RER1: variants seen among roughly 807,000 people sequenced by gnomAD.
RER1 encodes protein RER1.
RER1 carries 6 observed loss-of-function variants against 28.3 expected under a neutral mutation model. That is an observed-to-expected ratio of 0.21 (90% confidence interval 0.12 to 0.42). RER1 has a LOEUF of 0.42. RER1 is among the 10% of genes least tolerant of loss of function. The probability of loss-of-function intolerance (pLI) is 1.00; values close to 1 mark genes in which losing one functional copy is unlikely to be tolerated. For missense variants in RER1, 159 were observed against 252.9 expected (o/e 0.63, Z 2.52); for synonymous variants, 110 against 95.9 (o/e 1.15, Z -0.86).
At chr1:2,397,077 C>G (rs756769004) in intron 2 of RER1, 39 bp from the exon 3 acceptor site, 1 of 1,413,558 alleles carries the variant, frequency 7.1e-7, no homozygotes, top group South Asian at 1.2e-5. Flanking sequence ...ACAGAAGTTA[C>G]AGGACCTGCT....
intron 4 of RER1, among the ~76,000 whole-genome samples, chr1:2,400,133 C>A (rs528332225): frequency 6.6e-6 from 1 of 152,238 alleles, no homozygotes; most frequent in Non-Finnish European, 1.5e-5. Context: ...AGGCGAGGAA[C>A]AAACAACTGC....
At chr1:2,398,963 C>T (rs189163258) in intron 3 of RER1, among the ~76,000 whole-genome samples, 1 of 152,352 alleles carries the variant, frequency 6.6e-6, no homozygotes, top group African/African-American at 2.4e-5. Context: ...GCCAGCACGC[C>T]TCCAGTCACA....
rs1194511049 is a variant in RER1 at position 2,404,196 on chromosome 1, A to C, written c.*1072A>C. 1.3e-5 allele frequency: 2 copies of C among 152,218 alleles called. No individual in the cohort carries two copies. Among genetic ancestry groups the C allele is most frequent in the Non-Finnish European group, 2.9e-5 (2 of 68,044 alleles). The allele number at this position is 152,218 out of a possible 1,614,324, so 9.4% of individuals were successfully genotyped here. A position where few individuals can be genotyped will look rare whatever the true frequency, so the allele number is the denominator to read the frequency against. On this transcript the variant is annotated 3_prime_UTR_variant, in exon 7 of 7. Coordinates refer to ENST00000605895, the MANE Select transcript of RER1 (RefSeq NM_007033.5). Reference sequence around the variant, plus strand: ...CACTCTGGGCGGTGTTTCCTGTCTCAGAATTGACACGGTGAATGCTTAGTG... The same window carrying C: ...CACTCTGGGCGGTGTTTCCTGTCTCCGAATTGACACGGTGAATGCTTAGTG...
Position 2,402,248 on chromosome 1 carries a change from C to G in RER1, c.407C>G (p.Thr136Ser), listed in dbSNP as rs1184297852. Residue 136 changes from threonine (T) to serine (S), a missense_variant, in exon 6 of 7, where the codon ACT becomes AGT. Thr to Ser is a moderately conservative substitution (Grantham distance 58). Transcript: ENST00000605895. ...TKGILVAMVC[T>S]FFDAFNVPVF... ...GGCATCCTTGTGGCTATGGTCTGTA[C>G]TTTCTTCGACGCTTTCAACGTCCCG... 1.2e-6 allele frequency: 2 copies of G among 1,614,120 alleles called. No individual in the cohort carries two copies. The highest frequency in any genetic ancestry group is 1.3e-5 in the African/African-American group (1 of 74,952).
chr1:2,401,040 C>T, intron 5 of RER1, 105 bp downstream of exon 5: 5 of 947,934 alleles, frequency 5.3e-6, no homozygotes, highest in Non-Finnish European at 6.9e-6. Context: ...GACTGCTGTG[C>T]TGGGCTGGGC....
At chr1:2,401,677 C>T (rs1642866294) in intron 5 of RER1, among the ~76,000 whole-genome samples, 1 of 152,096 alleles carries the variant, frequency 6.6e-6, no homozygotes, top group Non-Finnish European at 1.5e-5. Context: ...GCTCGTGGGG[C>T]TCCACGCCTT....
intron 1 of RER1, chr1:2,395,459 G>A: frequency 2.8e-6 from 1 of 360,206 alleles, no homozygotes; most frequent in Non-Finnish European, 5.3e-6. Context: ...CCATGGACCA[G>A]CCAGTGGACC....
intron 3 of RER1, among the ~76,000 whole-genome samples, chr1:2,398,222 A>G (rs6698680): frequency 0.41 from 61,585 of 151,936 alleles, 13,182 homozygotes; most frequent in Non-Finnish European, 0.46. Context: ...TCCGGCGTTC[A>G]GCCGAGGATG....
chr1:2,396,216 G>C (rs1187429437), intron 2 of RER1: 1 of 304,104 alleles, frequency 3.3e-6, no homozygotes, highest in African/African-American at 2.1e-5. Flanking sequence ...CACGTCCCCG[G>C]TGCTGGTAGC....
At chr1:2,397,916 G>A (rs995143609) in intron 3 of RER1, among the ~76,000 whole-genome samples, 5 of 152,212 alleles carry the variant, frequency 3.3e-5, no homozygotes, top group African/African-American at 1.2e-4. Flanking sequence ...TGAAAGCCTT[G>A]TCTGGGCTAT....
At chr1:2,401,344 C>T (rs1570084155) in intron 5 of RER1, among the ~76,000 whole-genome samples, 1 of 10,048 alleles carries the variant, frequency 1.0e-4, no homozygotes, top group African/African-American at 3.9e-4. Context: ...CCCTCCTTCT[C>T]CCTCCTTCCT....
intron 4 of RER1, among the ~76,000 whole-genome samples, chr1:2,400,091 G>C (rs748005231): frequency 6.6e-6 from 1 of 152,338 alleles, no homozygotes. Flanking sequence ...GCCAGGTAGG[G>C]GCCCTGAGTT....
At chr1:2,396,006 C>G (rs889583231) in intron 2 of RER1, 135 bp downstream of exon 2, 2 of 719,758 alleles carry the variant, frequency 2.8e-6, no homozygotes, top group Non-Finnish European at 5.0e-6. Context: ...TTCCTGAAGA[C>G]AGCGTTCTCT....
intron 1 of RER1, chr1:2,393,942 T>C (rs1642730971): frequency 1.3e-5 from 2 of 152,324 alleles, no homozygotes; most frequent in South Asian, 4.1e-4. Context: ...GAACACCCTT[T>C]GGCGGGAGAG....
At chr1:2,396,527 T>G (rs1642769762) in intron 2 of RER1, among the ~76,000 whole-genome samples, 1 of 152,232 alleles carries the variant, frequency 6.6e-6, no homozygotes, top group Non-Finnish European at 1.5e-5. Context: ...TGGAAATTTC[T>G]CACAATTTGA....
At chr1:2,398,713 GA>G (rs1642803832) in intron 3 of RER1, among the ~76,000 whole-genome samples, 1 of 152,252 alleles carries the variant, frequency 6.6e-6, no homozygotes, top group African/African-American at 2.4e-5. Context: ...TTGAAATTGA[GA>G]ATGCGGTTCT....
At position 2,400,792 on chromosome 1, in the gene RER1, G is replaced by C. The variant is rs1642835214; in HGVS notation, c.287-65G>C. The C allele has an allele frequency of 3.4e-5, 45 of 1,332,032 alleles. No individual in the cohort carries two copies. The Middle Eastern group carries it at 7.9e-4, about 23-fold the overall frequency. 82.5% of individuals were successfully genotyped at this position (1,332,032 alleles called of 1,614,324 possible). On this transcript the variant is annotated intron_variant, in intron 4 of 6. Coordinates refer to ENST00000605895, the MANE Select transcript of RER1 (RefSeq NM_007033.5). ...GCCTGCTAGTCCAAAGCCTTGAGGG[G>C]AAAAGGTAGAACTGTGATGGGAATG...
At position 2,403,504 on chromosome 1, in the gene RER1, C is replaced by T; in HGVS notation, c.*380C>T. 1 of 290,092 alleles carries T rather than the reference C, an allele frequency of 3.4e-6. No individual in the cohort carries two copies. The highest frequency in any genetic ancestry group is 6.7e-6 in the Non-Finnish European group (1 of 148,628). 18.0% of individuals were successfully genotyped at this position (290,092 alleles called of 1,614,324 possible). The stretch of plus-strand genomic sequence containing the variant: ...CCCCGCCAGCCGCCTTCCCCAGCAG[C>T]CGCAGGTGGTGCCAGCCACTCCACA... On this transcript the variant is annotated 3_prime_UTR_variant, in exon 7 of 7. Coordinates refer to ENST00000605895, the MANE Select transcript of RER1 (RefSeq NM_007033.5).
At chr1:2,393,421 T>C (rs936214643) in intron 1 of RER1, among the ~76,000 whole-genome samples, 1 of 151,998 alleles carries the variant, frequency 6.6e-6, no homozygotes, top group African/African-American at 2.4e-5. Flanking sequence ...TGGGGGTCAG[T>C]GTGGGCGGTA....
Sources: gnomAD v4.1 joint callset for allele counts (sites outside exome capture counted in the v4.1 genomes callset) on GRCh38, gnomAD v4.1.1 for gene constraint, MANE v1.5 for transcripts, NCBI Gene and HGNC (gene_info 2026-07-23, HGNC 2026-07-21) for gene names.